Variants in SYT16 observed in about 807,000 individuals in gnomAD.
SYT16 encodes synaptotagmin-16.
Under a neutral mutation model 61.4 loss-of-function variants are expected in SYT16, and 42 were observed. That is an observed-to-expected ratio of 0.68 (90% CI 0.53 to 0.89). SYT16 has a LOEUF of 0.89. Among genes scored for constraint, SYT16 ranks in the 40% least tolerant of loss-of-function variants. The pLI is 0.00. For synonymous variants in SYT16, 314 were observed against 302.3 expected, an observed-to-expected ratio of 1.04 and a Z score of -0.40; for missense variants, 804 against 807.3, an observed-to-expected ratio of 1.00 and a Z score of 0.05.
Position 61,995,966 on chromosome 14 carries a change from C to T in SYT16, c.-54C>T. On this transcript the variant is annotated 5_prime_UTR_variant, in exon 3 of 8. Transcript: ENST00000683842. ...CTTATTCTATAGTTCACATTCAATC[C>T]AGAGCACTGAAGGAACTGAACAACT... 6.7e-7 allele frequency: 1 copy of T among 1,501,114 alleles called. No individual in the cohort carries two copies. The highest frequency in any genetic ancestry group is 1.4e-5 in the South Asian group (1 of 73,412). The allele number at this position is 1,501,114 out of a possible 1,614,324, so 93.0% of individuals were successfully genotyped here.
At chr14:62,042,335 A>G (rs955343798) in intron 3 of SYT16, among the ~76,000 whole-genome samples, 2 of 152,104 alleles carry the variant, frequency 1.3e-5, no homozygotes, top group African/African-American at 4.8e-5. Context: ...ACACATTGTG[A>G]ATTTTACCTT....
intron 2 of SYT16, among the ~76,000 whole-genome samples, chr14:61,976,248 A>C (rs1348989950): frequency 6.6e-6 from 1 of 152,076 alleles, no homozygotes; most frequent in African/African-American, 2.4e-5. Flanking sequence ...GGTTGCTTTC[A>C]TGGGCTGGCA....
At chr14:61,950,458 T>A (rs753743226) in intron 1 of SYT16, among the ~76,000 whole-genome samples, 5 of 152,228 alleles carry the variant, frequency 3.3e-5, no homozygotes, top group Non-Finnish European at 7.3e-5. Context: ...GTAGTGATAA[T>A]CACCAAGTGG....
At chr14:62,035,599 T>A (rs531174550) in intron 3 of SYT16, among the ~76,000 whole-genome samples, 5 of 152,216 alleles carry the variant, frequency 3.3e-5, no homozygotes, top group Non-Finnish European at 7.3e-5. Flanking sequence ...TTCACTGTTG[T>A]GCACAGAGCT....
At position 62,101,124 on chromosome 14, in the gene SYT16, C is replaced by CA. The variant is rs1296350963; in HGVS notation, c.*423dup. On this transcript the variant is annotated 3_prime_UTR_variant, in exon 8 of 8. Coordinates refer to ENST00000683842, the MANE Select transcript of SYT16 (RefSeq NM_001367656.1). ...GAATCAGAATTTTCTTAATATGGTACAAAAAACTCCAAAATATAGATATGA... is the reference window on the plus strand; with the variant it reads ...GAATCAGAATTTTCTTAATATGGTACAAAAAAACTCCAAAATATAGATATGA... 3 of 156,600 alleles carry CA rather than the reference C, an allele frequency of 1.9e-5. No homozygotes were observed. Among genetic ancestry groups the CA allele is most frequent in the East Asian group, 1.9e-4 (1 of 5,274 alleles). 9.7% of individuals were successfully genotyped at this position (156,600 alleles called of 1,614,324 possible). A position where few individuals can be genotyped will look rare whatever the true frequency, so the allele number is the denominator to read the frequency against.
At chr14:62,096,356 T>C (rs1233131876) in intron 7 of SYT16, among the ~76,000 whole-genome samples, 1 of 152,124 alleles carries the variant, frequency 6.6e-6, no homozygotes, top group Non-Finnish European at 1.5e-5. Flanking sequence ...CTTCTAGGTA[T>C]ATCCTAGAGA....
At chr14:61,933,950 T>A (rs1225472835) in intron 1 of SYT16, among the ~76,000 whole-genome samples, 5 of 152,184 alleles carry the variant, frequency 3.3e-5, no homozygotes, top group African/African-American at 4.8e-5. Context: ...CACGTACACA[T>A]GCATATTTGT....
intron 1 of SYT16, among the ~76,000 whole-genome samples, chr14:61,893,977 C>T (rs2048230654): frequency 6.6e-6 from 1 of 152,156 alleles, no homozygotes; most frequent in African/African-American, 2.4e-5. Context: ...CTCAGTTCTA[C>T]CCCACAGCTC....
chr14:61,891,242 GCA>G (rs34375502), intron 1 of SYT16, among the ~76,000 whole-genome samples: 4,189 of 147,826 alleles, frequency 0.028, 72 homozygotes, highest in African/African-American at 0.059. Flanking sequence ...ACACACACGC[GCA>G]CACACACACA....
Position 61,840,221 on chromosome 14 carries a change from A to C in SYT16, c.-325+27411A>C, listed in dbSNP as rs78355023. ...GATTTGGAGGCCAAGATAATGAATC[A>C]TTTGGGGGCACATTTAAGAGCCTGT... On this transcript the variant is annotated intron_variant, in intron 1 of 7. Transcript: ENST00000683842. Among the ~76,000 whole-genome samples the C allele has an allele frequency of 8.9e-3, 1,356 of 152,300 alleles. 10 individuals are homozygous for C. The highest frequency in any genetic ancestry group is 0.013 in the Non-Finnish European group (914 of 68,010).
At chr14:62,087,103 A>G (rs918069810) in intron 7 of SYT16, among the ~76,000 whole-genome samples, 5 of 152,214 alleles carry the variant, frequency 3.3e-5, no homozygotes, top group East Asian at 1.9e-4. Flanking sequence ...TGGCACTCAC[A>G]CTACTTTGAC....
At chr14:62,091,394 A>G (rs539939177) in intron 7 of SYT16, among the ~76,000 whole-genome samples, 1 of 152,372 alleles carries the variant, frequency 6.6e-6, no homozygotes, top group East Asian at 1.9e-4. Context: ...AAGAAGGAAG[A>G]ATGAACAAAT....
chr14:61,876,246 C>T (rs977095672), intron 1 of SYT16, among the ~76,000 whole-genome samples: 25 of 152,096 alleles, frequency 1.6e-4, no homozygotes, highest in East Asian at 3.8e-4. Flanking sequence ...TCAAGAGTAC[C>T]GATACTTGTT....
chr14:61,983,675 G>A (rs2052181815), intron 2 of SYT16, among the ~76,000 whole-genome samples: 1 of 152,004 alleles, frequency 6.6e-6, no homozygotes, highest in Admixed American at 6.6e-5. Context: ...TCAGTTGCAA[G>A]CTACCACACC....
intron 7 of SYT16, among the ~76,000 whole-genome samples, chr14:62,096,423 TA>T (rs2057276702): frequency 6.6e-6 from 1 of 152,094 alleles, no homozygotes; most frequent in Non-Finnish European, 1.5e-5. Context: ...GAAATCTTTT[TA>T]ATTTTTGGTA....
In SYT16 at chr14:61,864,995, A is replaced by G. The variant is rs938033534; in HGVS notation, c.-325+52185A>G. The G allele has an allele frequency of 5.7e-6, 8 of 1,401,098 alleles. No individual in the cohort carries two copies. The African/African-American group carries it at 1.1e-4, about 20-fold the overall frequency. The allele number at this position is 1,401,098 out of a possible 1,614,324, so 86.8% of individuals were successfully genotyped here. A position where few individuals can be genotyped will look rare whatever the true frequency, so the allele number is the denominator to read the frequency against. On this transcript the variant is annotated intron_variant, in intron 1 of 7. Coordinates refer to ENST00000683842, the MANE Select transcript of SYT16 (RefSeq NM_001367656.1). ...GAGTCTGGGCCCCTCTTACAGTGGC[A>G]GCCTGTTGCTCTTTGATGCCCTGAG...
chr14:61,920,518 C>A (rs746693856), intron 1 of SYT16, among the ~76,000 whole-genome samples: 11 of 152,116 alleles, frequency 7.2e-5, no homozygotes, highest in Non-Finnish European at 8.8e-5. Flanking sequence ...TGATCTCATC[C>A]ATTTCCATGA....
chr14:62,029,577 A>G (rs556856252), intron 3 of SYT16, among the ~76,000 whole-genome samples: 1 of 152,090 alleles, frequency 6.6e-6, no homozygotes, highest in Non-Finnish European at 1.5e-5. Context: ...AGTTCTTTGA[A>G]ATCCTCATTT....
intron 1 of SYT16, among the ~76,000 whole-genome samples, chr14:61,836,794 T>C (rs891233522): frequency 6.6e-6 from 1 of 152,194 alleles, no homozygotes; most frequent in African/African-American, 2.4e-5. Context: ...TTTACATCCA[T>C]TTATTTATGT....
Sources: allele counts gnomAD v4.1 joint callset (sites outside exome capture counted in the v4.1 genomes callset), GRCh38; gene constraint gnomAD v4.1.1; transcripts MANE v1.5; gene names NCBI Gene and HGNC (gene_info 2026-07-23, HGNC 2026-07-21).